Variants in ITPR2 observed in about 807,000 individuals in gnomAD.
ITPR2 encodes the protein inositol 1,4,5-trisphosphate-gated calcium channel ITPR2.
A neutral mutation model predicts 317.1 loss-of-function variants in ITPR2; 207 were observed. That is an observed-to-expected ratio of 0.65 (90% CI 0.58 to 0.73). ITPR2 has a LOEUF of 0.73. Ranked by LOEUF, ITPR2 falls within the 30% of genes least tolerant of loss-of-function variation. The pLI is 0.00. For synonymous variants in ITPR2, 1,156 were observed against 1,149.1 expected (o/e 1.01, Z -0.12); for missense variants, 2,613 against 3,284.0 (o/e 0.80, Z 4.99).
intron 55 of ITPR2, among the ~76,000 whole-genome samples, chr12:26,380,794 C>T (rs996705918): frequency 2.6e-5 from 4 of 152,192 alleles, no homozygotes; most frequent in African/African-American, 9.7e-5. Flanking sequence ...TCCCCTCCAA[C>T]AGTTACTGCT....
At chr12:26,702,851 G>A (rs922703133) in intron 9 of ITPR2, among the ~76,000 whole-genome samples, 1 of 152,056 alleles carries the variant, frequency 6.6e-6, no homozygotes, top group Non-Finnish European at 1.5e-5. Flanking sequence ...CTTAAACCGT[G>A]TTAAATCTTG....
intron 48 of ITPR2, 97 bp from the exon 49 acceptor site, chr12:26,428,185 G>T: frequency 1.2e-6 from 1 of 844,738 alleles, no homozygotes; most frequent in Non-Finnish European, 1.7e-6. Flanking sequence ...TTAAGTCAAA[G>T]CCATAATCCA....
chr12:26,718,256 T>C (rs181682803), intron 5 of ITPR2, among the ~76,000 whole-genome samples: 1 of 151,996 alleles, frequency 6.6e-6, no homozygotes, highest in Admixed American at 6.6e-5. Flanking sequence ...TCTGTGTCCA[T>C]GTGTTCTCAA....
chr12:26,604,906 C>A (rs1379532045), intron 26 of ITPR2, among the ~76,000 whole-genome samples: 1 of 151,650 alleles, frequency 6.6e-6, no homozygotes, highest in African/African-American at 2.4e-5. Context: ...CCAGTCTGGC[C>A]AGTCTGGCCC....
intron 49 of ITPR2, among the ~76,000 whole-genome samples, chr12:26,423,358 A>C (rs1456991370): frequency 6.6e-6 from 1 of 152,148 alleles, no homozygotes; most frequent in African/African-American, 2.4e-5. Flanking sequence ...TAGGGACATT[A>C]CCCTATTAAA....
intron 37 of ITPR2, among the ~76,000 whole-genome samples, chr12:26,536,434 T>C (rs1329052436): frequency 6.6e-6 from 1 of 152,096 alleles, no homozygotes; most frequent in Non-Finnish European, 1.5e-5. Flanking sequence ...CTATGAAATC[T>C]GAGGTGAATA....
chr12:26,653,241 C>CTTTTT (rs774729786), intron 21 of ITPR2, among the ~76,000 whole-genome samples: 334 of 103,510 alleles, frequency 3.2e-3, no homozygotes, highest in African/African-American at 3.8e-3. Flanking sequence ...TTGAATCTTT[C>CTTTTT]TTTTTTTTTT....
intron 5 of ITPR2, among the ~76,000 whole-genome samples, chr12:26,716,508 T>C (rs1272058548): frequency 6.6e-6 from 1 of 152,138 alleles, no homozygotes. Context: ...CCATTTCAGT[T>C]AGAGCTTCCT....
intron 32 of ITPR2, among the ~76,000 whole-genome samples, chr12:26,583,335 T>C (rs1945446800): frequency 6.6e-6 from 1 of 152,204 alleles, no homozygotes; most frequent in Non-Finnish European, 1.5e-5. Context: ...AAAAACCTAA[T>C]GACTGCACAT....
intron 1 of ITPR2, among the ~76,000 whole-genome samples, chr12:26,812,047 C>G (rs1950760752): frequency 6.6e-6 from 1 of 150,988 alleles, no homozygotes; most frequent in Non-Finnish European, 1.5e-5. Flanking sequence ...CCTGTAGTCC[C>G]TGCTACTCGG....
chr12:26,732,214 C>T (rs763403612), intron 2 of ITPR2, among the ~76,000 whole-genome samples: 19 of 152,066 alleles, frequency 1.2e-4, no homozygotes, highest in Admixed American at 2.6e-4. Flanking sequence ...TATTATACTA[C>T]GAAAGAGGAA....
intron 37 of ITPR2, among the ~76,000 whole-genome samples, chr12:26,545,210 C>T (rs1944365041): frequency 6.6e-6 from 1 of 152,150 alleles, no homozygotes; most frequent in African/African-American, 2.4e-5. Context: ...AACCTGTAAA[C>T]ATGTTACCTC....
chr12:26,632,184 G>A (rs1205384785), intron 21 of ITPR2, 125 bp from the exon 22 acceptor site: 17 of 559,698 alleles, frequency 3.0e-5, no homozygotes, highest in Non-Finnish European at 4.3e-5. Flanking sequence ...AGACAGAATA[G>A]CATAAGCATT....
At chr12:26,676,272 T>C (rs939401727) in intron 13 of ITPR2, among the ~76,000 whole-genome samples, 15 of 151,710 alleles carry the variant, frequency 9.9e-5, no homozygotes, top group African/African-American at 3.6e-4. Context: ...AGGTCGGGAG[T>C]TCGAGACCAT....
chr12:26,590,602 T>C (rs1223524281), intron 32 of ITPR2, among the ~76,000 whole-genome samples: 3 of 152,152 alleles, frequency 2.0e-5, no homozygotes, highest in Admixed American at 6.6e-5. Context: ...CTATCTCTCA[T>C]GATATACAAA....
intron 2 of ITPR2, among the ~76,000 whole-genome samples, chr12:26,784,688 G>A (rs11048683): frequency 0.016 from 2,455 of 151,474 alleles, 62 homozygotes; most frequent in African/African-American, 0.056. Flanking sequence ...ATCTCGGCTC[G>A]CTACAGCCTC....
intron 5 of ITPR2, among the ~76,000 whole-genome samples, chr12:26,719,677 T>A (rs1948800371): frequency 6.6e-6 from 1 of 152,336 alleles, no homozygotes; most frequent in African/African-American, 2.4e-5. Context: ...TATGTATACA[T>A]GTGTCATGTT....
At position 26,674,942 on chromosome 12, in the gene ITPR2, A is replaced by G. The variant is rs1314472007; in HGVS notation, c.1409+6932T>C. On this transcript the variant is annotated intron_variant, in intron 13 of 56. Transcript: ENST00000381340. Reference sequence around the variant, plus strand: ...ATTTATGCAGCCAAAAAACACATGAAAAAATGCTCACCATCACTGGCCATC... The same window carrying G: ...ATTTATGCAGCCAAAAAACACATGAGAAAATGCTCACCATCACTGGCCATC... 1.7e-3 allele frequency among the ~76,000 whole-genome samples: 252 copies of G among 152,100 alleles called. 1 individual carries two copies. Among genetic ancestry groups the G allele is most frequent in the African/African-American group, 5.8e-3 (242 of 41,554 alleles).
chr12:26,642,793 A>C (rs575443524), intron 21 of ITPR2, among the ~76,000 whole-genome samples: 2 of 152,306 alleles, frequency 1.3e-5, no homozygotes, highest in Admixed American at 1.3e-4. Flanking sequence ...TCTTGACCCA[A>C]AATGTTTCCA....
Sources: gnomAD v4.1 joint callset for allele counts (sites outside exome capture counted in the v4.1 genomes callset) on GRCh38, gnomAD v4.1.1 for gene constraint, MANE v1.5 for transcripts, NCBI Gene and HGNC (gene_info 2026-07-23, HGNC 2026-07-21) for gene names.